TARM1: variants seen among roughly 807,000 people sequenced by gnomAD.
TARM1 encodes T-cell-interacting, activating receptor on myeloid cells protein 1.
A neutral mutation model predicts 30.4 loss-of-function variants in TARM1; 24 were observed. That is an observed-to-expected ratio of 0.79 (90% CI 0.57 to 1.11). TARM1 has a LOEUF of 1.11. TARM1 is among the 50% of genes least tolerant of loss of function. TARM1 has a pLI of 0.00. For synonymous variants in TARM1, 129 were observed against 138.9 expected (o/e 0.93, Z 0.50); for missense variants, 323 against 332.8 (o/e 0.97, Z 0.23).
chr19:54,078,513 G>C (rs1422463337), intron 1 of TARM1, among the ~76,000 whole-genome samples: 1 of 151,944 alleles, frequency 6.6e-6, no homozygotes, highest in Non-Finnish European at 1.5e-5. Flanking sequence ...CAAGTAGCTG[G>C]GATTACAGGC....
chr19:54,075,994 G>T, intron 1 of TARM1, 76 bp from the exon 2 acceptor site: 1 of 1,519,716 alleles, frequency 6.6e-7, no homozygotes, highest in Non-Finnish European at 8.9e-7. Flanking sequence ...CCTGGAGATC[G>T]TCCCAGAGTC....
chr19:54,073,997 T>C lies in TARM1; in HGVS notation c.581A>G (p.Tyr194Cys), dbSNP rs1334357052. 1.9e-6 allele frequency: 3 copies of C among 1,551,644 alleles called. No homozygotes were observed. Among genetic ancestry groups the C allele is most frequent in the Admixed American group, 3.9e-5 (2 of 50,978 alleles). The change falls in exon 4 of 5, where the codon TAC (tyrosine) becomes TGC (cysteine). Residue 194 changes from tyrosine to cysteine, a missense_variant. Coordinates refer to ENST00000432826, the MANE Select transcript of TARM1 (RefSeq NM_001135686.3). ...CTTTGTCTGGTAGTACATGCAGCTG[T>C]AGTTCCCAGCATCGCCGGCTGTCAC... is the stretch of plus-strand genomic sequence containing the variant. ...VDVTAGDAGN[Y>C]SCMYYQTKSP...
chr19:54,072,653 T>C (rs1354084903), intron 4 of TARM1, among the ~76,000 whole-genome samples: 4 of 151,842 alleles, frequency 2.6e-5, no homozygotes, highest in Non-Finnish European at 5.9e-5. Context: ...TGAGAAAGAA[T>C]TATTGAGAGT....
intron 1 of TARM1, among the ~76,000 whole-genome samples, chr19:54,079,847 T>G (rs1255833538): frequency 6.6e-6 from 1 of 151,350 alleles, no homozygotes; most frequent in African/African-American, 2.4e-5. Flanking sequence ...TACTAAAAAG[T>G]ACAAAAAATC....
intron 1 of TARM1, among the ~76,000 whole-genome samples, chr19:54,077,181 G>C (rs1600209526): frequency 6.6e-6 from 1 of 152,030 alleles, no homozygotes; most frequent in East Asian, 1.9e-4. Flanking sequence ...AGGAGTTGAA[G>C]ACCAGCCTGG....
At chr19:54,070,773 C>T (rs1352694657) in intron 4 of TARM1, among the ~76,000 whole-genome samples, 3 of 151,450 alleles carry the variant, frequency 2.0e-5, no homozygotes, top group South Asian at 2.1e-4. Flanking sequence ...CCACCACACC[C>T]GGCTAATTTT....
intron 4 of TARM1, among the ~76,000 whole-genome samples, chr19:54,073,493 T>G (rs1322948071): frequency 6.6e-6 from 1 of 151,126 alleles, no homozygotes; most frequent in Non-Finnish European, 1.5e-5. Context: ...TTTGTTTTTG[T>G]TTTTTGTTTT....
intron 1 of TARM1, among the ~76,000 whole-genome samples, chr19:54,078,178 C>CTT (rs869101071): frequency 1.0e-3 from 71 of 67,804 alleles, no homozygotes; most frequent in Admixed American, 1.5e-3. Flanking sequence ...TTCTTTCTTT[C>CTT]TTTTTTTTTT....
At chr19:54,081,257 C>A (rs758116522) in intron 1 of TARM1, 50 bp downstream of exon 1, 1 of 1,531,570 alleles carries the variant, frequency 6.5e-7, no homozygotes, top group Non-Finnish European at 8.8e-7. Flanking sequence ...AACTATCCCA[C>A]CAGTTCCATG....
At chr19:54,070,417 T>G (rs544210987) in intron 4 of TARM1, among the ~76,000 whole-genome samples, 41 of 149,712 alleles carry the variant, frequency 2.7e-4, no homozygotes, top group African/African-American at 9.4e-4. Flanking sequence ...TGTGCCACCA[T>G]GCCCGGCTAA....
chr19:54,073,588 T>C (rs2071867142), intron 4 of TARM1, among the ~76,000 whole-genome samples: 3 of 150,500 alleles, frequency 2.0e-5, no homozygotes, highest in African/African-American at 4.9e-5. Flanking sequence ...CCGCCTCCCA[T>C]GTTCAAGCAA....
chr19:54,076,124 C>A, intron 1 of TARM1: 1 of 1,476,946 alleles, frequency 6.8e-7, no homozygotes, highest in Non-Finnish European at 8.9e-7. Flanking sequence ...TTCTCCTTGA[C>A]CATCCTGTGT....
chr19:54,074,549 G>T (rs890207997), intron 3 of TARM1, among the ~76,000 whole-genome samples: 1 of 152,208 alleles, frequency 6.6e-6, no homozygotes, highest in Admixed American at 6.6e-5. Flanking sequence ...CGGGCATGGT[G>T]GCAGGCACCT....
intron 1 of TARM1, among the ~76,000 whole-genome samples, chr19:54,080,144 C>A (rs1282389019): frequency 0.94 from 64,937 of 68,934 alleles, 30,876 homozygotes; most frequent in Middle Eastern, 0.99. Flanking sequence ...AGGAAGAAAG[C>A]AAGCAAGCAA....
intron 1 of TARM1, among the ~76,000 whole-genome samples, chr19:54,078,928 T>G (rs2072027169): frequency 6.6e-6 from 1 of 151,826 alleles, no homozygotes; most frequent in African/African-American, 2.4e-5. Context: ...ATGATTCCAC[T>G]CATACATCCT....
At chr19:54,071,507 A>C (rs1375375773) in intron 4 of TARM1, among the ~76,000 whole-genome samples, 95 of 152,128 alleles carry the variant, frequency 6.2e-4, no homozygotes, top group Non-Finnish European at 1.2e-3. Context: ...ACTGCTGTGC[A>C]GCAGTGCACC....
At chr19:54,074,503 C>T (rs587595131) in intron 3 of TARM1, among the ~76,000 whole-genome samples, 9 of 152,036 alleles carry the variant, frequency 5.9e-5, no homozygotes, top group South Asian at 2.1e-4. Flanking sequence ...CCCAACATGG[C>T]GAAACCCTGT....
intron 1 of TARM1, among the ~76,000 whole-genome samples, chr19:54,080,290 C>T (rs587655594): frequency 2.0e-5 from 3 of 151,230 alleles, no homozygotes; most frequent in African/African-American, 7.3e-5. Context: ...TCCTGGCTAA[C>T]ACAGTGAAAC....
In TARM1 at chr19:54,073,461, G is replaced by GT. The variant is rs201275480; in HGVS notation, c.658+458dup. 6.3e-3 allele frequency among the ~76,000 whole-genome samples: 944 copies of GT among 149,716 alleles called. 34 individuals are homozygous for GT. Among genetic ancestry groups the GT allele is most frequent in the Admixed American group, 0.057 (834 of 14,528 alleles). On this transcript the variant is annotated intron_variant, in intron 4 of 4. Transcript: ENST00000432826. The stretch of plus-strand genomic sequence containing the variant: ...AAGGAGTGGAAATTGTGAAAGGGAG[G>GT]TTTTTTTGTTGTTTTGTTGTTTTTG...
Sources: allele counts gnomAD v4.1 joint callset (sites outside exome capture counted in the v4.1 genomes callset), GRCh38; gene constraint gnomAD v4.1.1; transcripts MANE v1.5; gene names NCBI Gene and HGNC (gene_info 2026-07-23, HGNC 2026-07-21).